ABCA3: variants seen among roughly 807,000 people sequenced by gnomAD.
The protein encoded by ABCA3 is ATP binding cassette subfamily A member 3.
Under a neutral mutation model 172.8 loss-of-function variants are expected in ABCA3, and 88 were observed. The ratio of observed to expected loss-of-function variants is 0.51; its 90% CI spans 0.43 to 0.61. The LOEUF (loss-of-function observed/expected upper bound fraction) is 0.61. Among genes scored for constraint, ABCA3 ranks in the 20% least tolerant of loss-of-function variants. The pLI is 0.00. For synonymous variants in ABCA3, 1,066 were observed against 983.8 expected, an observed-to-expected ratio of 1.08 and a Z score of -1.56; for missense variants, 2,164 against 2,301.0, an observed-to-expected ratio of 0.94 and a Z score of 1.22.
intron 1 of ABCA3, among the ~76,000 whole-genome samples, chr16:2,339,720 A>G (rs549784489): frequency 6.6e-4 from 100 of 152,194 alleles, no homozygotes; most frequent in Non-Finnish European, 8.8e-4. Flanking sequence ...GCCTTCCCGG[A>G]GTGCACAGTC....
intron 8 of ABCA3, among the ~76,000 whole-genome samples, chr16:2,318,217 C>A (rs2093719683): frequency 1.3e-5 from 2 of 152,180 alleles, no homozygotes; most frequent in African/African-American, 2.4e-5. Flanking sequence ...CATAGCCATT[C>A]ATTCCCTCAA....
intron 8 of ABCA3, 137 bp downstream of exon 8, chr16:2,319,444 C>G: frequency 4.1e-6 from 5 of 1,216,116 alleles, no homozygotes; most frequent in Non-Finnish European, 5.6e-6. Context: ...GAGATCGCAC[C>G]ACTGCACTCC....
intron 17 of ABCA3, 42 bp from the exon 18 acceptor site, chr16:2,295,782 C>G: frequency 6.2e-7 from 1 of 1,612,756 alleles, no homozygotes; most frequent in African/African-American, 1.3e-5. Context: ...GCTGATCCCC[C>G]AGGTCTCTTC....
chr16:2,298,778 C>T (rs1194894991), intron 14 of ABCA3, among the ~76,000 whole-genome samples: 3 of 152,126 alleles, frequency 2.0e-5, no homozygotes, highest in South Asian at 2.1e-4. Context: ...GAGAAACCCA[C>T]GACACACACA....
intron 12 of ABCA3, among the ~76,000 whole-genome samples, chr16:2,301,911 T>A (rs2093690071): frequency 1.3e-5 from 2 of 152,180 alleles, no homozygotes; most frequent in Admixed American, 1.3e-4. Flanking sequence ...ATGTAACACG[T>A]CCATAATGGC....
At chr16:2,335,393 C>T (rs1307676031) in intron 1 of ABCA3, among the ~76,000 whole-genome samples, 1 of 152,128 alleles carries the variant, frequency 6.6e-6, no homozygotes, top group African/African-American at 2.4e-5. Context: ...GATCCTCCTG[C>T]CTCAGCCTCC....
At chr16:2,301,811 A>G (rs891301306) in intron 12 of ABCA3, among the ~76,000 whole-genome samples, 6 of 152,214 alleles carry the variant, frequency 3.9e-5, no homozygotes, top group African/African-American at 9.6e-5. Flanking sequence ...GTGTGTCACT[A>G]TAAATGAAGG....
intron 1 of ABCA3, among the ~76,000 whole-genome samples, chr16:2,330,319 A>ATT (rs796294302): frequency 1.1e-4 from 13 of 117,202 alleles, no homozygotes; most frequent in South Asian, 2.7e-4. Context: ...TATAAGCTCT[A>ATT]TTTTTTTTTT....
chr16:2,300,258 G>T, intron 12 of ABCA3, 110 bp from the exon 13 acceptor site: 3 of 1,487,100 alleles, frequency 2.0e-6, no homozygotes, highest in Non-Finnish European at 2.8e-6. Flanking sequence ...CCAGGACTTC[G>T]AGGCACTGCT....
At chr16:2,292,640 C>T (rs1157837010) in intron 18 of ABCA3, among the ~76,000 whole-genome samples, 1 of 151,970 alleles carries the variant, frequency 6.6e-6, no homozygotes, top group African/African-American at 2.4e-5. Context: ...AATAAGGAGG[C>T]CAGGTGCAGT....
At chr16:2,330,874 G>C (rs140524233) in intron 1 of ABCA3, among the ~76,000 whole-genome samples, 1 of 151,176 alleles carries the variant, frequency 6.6e-6, no homozygotes, top group East Asian at 2.0e-4. Context: ...AATTTTTTTT[G>C]TATTTTTCAG....
chr16:2,297,194 C>T lies in ABCA3; in HGVS notation c.2263+135G>A. Reference sequence around the variant, plus strand: ...CCCCCCTGCCTGGTTGGGCTCTCCACCCAGAGGCAACAGACAGGAAGTCTA... The same window carrying T: ...CCCCCCTGCCTGGTTGGGCTCTCCATCCAGAGGCAACAGACAGGAAGTCTA... On this transcript the variant is annotated intron_variant, in intron 17 of 32. Transcript: ENST00000301732. The surrounding 1 kb of genome is among the most constrained non-coding windows in gnomAD (Gnocchi z 5.6). The T allele has an allele frequency of 2.0e-6, 2 of 985,676 alleles. No individual in the cohort carries two copies. The highest frequency in any genetic ancestry group is 1.4e-5 in the South Asian group (1 of 72,676). The allele number at this position is 985,676 out of a possible 1,614,324, so 61.1% of individuals were successfully genotyped here. A position where few individuals can be genotyped will look rare whatever the true frequency, so the allele number is the denominator to read the frequency against.
At chr16:2,321,620 C>T (rs1427260168) in intron 7 of ABCA3, among the ~76,000 whole-genome samples, 6 of 151,942 alleles carry the variant, frequency 3.9e-5, no homozygotes, top group Non-Finnish European at 8.8e-5. Flanking sequence ...GTCCTGGGTC[C>T]GAGTCACTTC....
At chr16:2,311,005 C>T (rs187047262) in intron 10 of ABCA3, among the ~76,000 whole-genome samples, 10 of 151,548 alleles carry the variant, frequency 6.6e-5, no homozygotes, top group Non-Finnish European at 5.9e-5. Flanking sequence ...GATGGAGTCT[C>T]GCTCTGTCAC....
intron 5 of ABCA3, among the ~76,000 whole-genome samples, chr16:2,325,304 C>A (rs942625213): frequency 3.9e-5 from 6 of 152,198 alleles, no homozygotes; most frequent in Non-Finnish European, 1.5e-5. Context: ...GTCCTGTCCA[C>A]CCTACTGACC....
intron 1 of ABCA3, chr16:2,332,834 T>C (rs1183801405): frequency 3.5e-6 from 2 of 576,568 alleles, no homozygotes; most frequent in Non-Finnish European, 6.1e-6. Context: ...TTTTACACAG[T>C]CTTGCTTTGT....
intron 10 of ABCA3, among the ~76,000 whole-genome samples, chr16:2,309,944 C>A (rs1201819567): frequency 6.6e-6 from 1 of 152,058 alleles, no homozygotes; most frequent in Non-Finnish European, 1.5e-5. Context: ...TCTTAAGACC[C>A]TTTTCTATCC....
Position 2,288,325 on chromosome 16 carries a change from G to A in ABCA3, c.2705C>T (p.Ala902Val). The A allele has an allele frequency of 6.4e-7, 1 of 1,551,694 alleles. No homozygotes were observed. Among genetic ancestry groups the A allele is most frequent in the Non-Finnish European group, 8.7e-7 (1 of 1,152,660 alleles). The change falls in exon 21 of 33, where the codon GCC (alanine) becomes GTC (valine). Residue 902 changes from alanine to valine, a missense_variant. By Grantham distance (64) the Ala-to-Val change is moderately conservative (BLOSUM62 0). Around this residue, in one of 3 missense-constraint regions of ABCA3, gnomAD observed 1,343 missense variants for 1,369.6 expected, o/e 0.98. Coordinates refer to ENST00000301732, the MANE Select transcript of ABCA3 (RefSeq NM_001089.3). ...GGCCCAGAATTGCTGGCAGTGCAGG[G>A]CGAGCTGCGGCAGAGGGGACGCAGG... ...RTAVKLNTGL[A>V]LHCQQFWAMF... is the part of the protein sequence containing the mutation.
rs35278238 is a variant in ABCA3 at position 2,315,052 on chromosome 16, A to AT, written c.1111+2230dup. Among the ~76,000 whole-genome samples the AT allele has an allele frequency of 1.8e-3, 257 of 140,314 alleles. 2 individuals carry two copies. Among genetic ancestry groups the AT allele is most frequent in the South Asian group, 5.9e-3 (26 of 4,412 alleles). The allele number at this position is 140,314 out of a possible 152,430, so 92.1% of individuals were successfully genotyped here. ...GCCACCACACCCGGCTAATTTTTGT[A>AT]TTTTTTTTTTTTAGTAGAGACGAGG... On this transcript the variant is annotated intron_variant, in intron 10 of 32. Transcript: ENST00000301732.
Sources: gnomAD v4.1 joint callset for allele counts (sites outside exome capture counted in the v4.1 genomes callset) on GRCh38, gnomAD v4.1.1 for gene constraint, gnomAD v4.1.1 regional missense constraint, Gnocchi (gnomAD v3.1) non-coding constraint, MANE v1.5 for transcripts, NCBI Gene and HGNC (gene_info 2026-07-23, HGNC 2026-07-21) for gene names.